HAUS7: variants seen among roughly 807,000 people sequenced by gnomAD.
HAUS7 encodes HAUS augmin like complex subunit 7.
Under a neutral mutation model 28.4 loss-of-function variants are expected in HAUS7, and 3 were observed. That is an observed-to-expected ratio of 0.11 (90% confidence interval 0.05 to 0.27). The LOEUF is 0.27. Ranked by LOEUF, HAUS7 falls within the 10% of genes least tolerant of loss-of-function variation. The probability of loss-of-function intolerance (pLI) is 1.00; values close to 1 mark genes in which losing one functional copy is unlikely to be tolerated. For synonymous variants in HAUS7, 165 were observed against 132.1 expected (o/e 1.25, Z -1.71); for missense variants, 284 against 297.3 (o/e 0.96, Z 0.33).
chrX:153,472,456 A>ACCACCCACCACCCACCACCCACCACCTG (rs2089534940), upstream of HAUS7, among the ~76,000 whole-genome samples: 1 of 11,709 alleles, frequency 8.5e-5, no homozygotes, highest in African/African-American at 3.3e-4. Context: ...CCTGCCACCC[A>ACCACCCACCACCCACCACCCACCACCTG]CCACCCGCCC....
At chrX:153,452,813 T>C (rs912255771) in intron 9 of HAUS7, among the ~76,000 whole-genome samples, 5 of 111,226 alleles carry the variant, frequency 4.5e-5, no homozygotes, top group Non-Finnish European at 9.4e-5. Flanking sequence ...CAAAACCCCA[T>C]CTGTACTTAA....
intron 3 of HAUS7, chrX:153,462,953 G>A (rs1556983675): frequency 2.3e-6 from 1 of 432,789 alleles, no homozygotes; most frequent in Non-Finnish European, 4.2e-6. Flanking sequence ...TGCCTGAGGA[G>A]TGGACAGGGG....
intron 1 of HAUS7, among the ~76,000 whole-genome samples, chrX:153,478,697 G>T (rs1279657497): frequency 2.7e-5 from 3 of 112,996 alleles, no homozygotes; most frequent in Non-Finnish European, 5.6e-5. Flanking sequence ...TGCCCAAGCA[G>T]CACTGGGGTC....
chrX:153,467,820 G>T (rs1296553182), intron 2 of HAUS7, among the ~76,000 whole-genome samples: 1 of 112,889 alleles, frequency 8.9e-6, no homozygotes, highest in African/African-American at 3.2e-5. Flanking sequence ...GCACCCACAG[G>T]TTGAGGGCTC....
chrX:153,485,770 G>T, intron 1 of HAUS7: 3 of 838,807 alleles, frequency 3.6e-6, no homozygotes, highest in Non-Finnish European at 2.9e-6. Flanking sequence ...CGCCCCACAG[G>T]AAGCTGGAGA....
intron 1 of HAUS7, among the ~76,000 whole-genome samples, chrX:153,484,228 G>C: frequency 8.9e-6 from 1 of 112,127 alleles, no homozygotes; most frequent in Admixed American, 9.4e-5. Flanking sequence ...TCATGGGAGC[G>C]GGGCCCAGCC....
chrX:153,481,768 C>T (rs1409369688), intron 1 of HAUS7: 8 of 730,215 alleles, frequency 1.1e-5, no homozygotes, highest in African/African-American at 4.7e-5. Flanking sequence ...AGAGTGGCAG[C>T]GGGCAGGGGG....
chrX:153,468,112 G>C (rs1160485216), intron 2 of HAUS7, among the ~76,000 whole-genome samples: 4 of 112,340 alleles, frequency 3.6e-5, no homozygotes, highest in African/African-American at 1.3e-4. Flanking sequence ...AGACGCCTCT[G>C]GAACAGCAAG....
intron 1 of HAUS7, among the ~76,000 whole-genome samples, chrX:153,479,851 C>T (rs1022395925): frequency 8.1e-5 from 9 of 111,344 alleles, no homozygotes; most frequent in African/African-American, 2.9e-4. Context: ...CCCCTGCAGA[C>T]AGAGCGGTGC....
upstream of HAUS7, chrX:153,470,862 C>CGGGGCGGACACCGGGAA (rs1556985155): frequency 2.8e-6 from 1 of 362,100 alleles, no homozygotes; most frequent in African/African-American, 2.6e-5. Flanking sequence ...GGGAAAGGGG[C>CGGGGCGGACACCGGGAA]GGGGCGGACA....
intron 1 of HAUS7, among the ~76,000 whole-genome samples, chrX:153,488,801 G>A (rs1556989095): frequency 1.8e-5 from 2 of 112,918 alleles, no homozygotes; most frequent in African/African-American, 6.4e-5. Flanking sequence ...GTGAGTCCCC[G>A]ACATCTCCTG....
intron 7 of HAUS7, 147 bp from the exon 8 acceptor site, chrX:153,455,913 G>A: frequency 8.9e-6 from 4 of 450,153 alleles, no homozygotes; most frequent in Non-Finnish European, 1.2e-5. Flanking sequence ...AGCGACTCAG[G>A]CCAGAGCAAG....
Position 153,451,867 on chromosome X carries a change from C to T in HAUS7, c.1045+2527G>A, listed in dbSNP as rs147447959. 3.9e-3 allele frequency among the ~76,000 whole-genome samples: 437 copies of T among 111,905 alleles called. 2 individuals are homozygous for T. Among genetic ancestry groups the T allele is most frequent in the Non-Finnish European group, 6.8e-3 (363 of 53,212 alleles). On this transcript the variant is annotated intron_variant, in intron 9 of 9. Coordinates refer to ENST00000370211, the MANE Select transcript of HAUS7 (RefSeq NM_001385482.1). The stretch of plus-strand genomic sequence containing the variant: ...CCCTGATCTCTCACCTCTGGCTGAC[C>T]TTGAGGCTCTGAGCAAGCAAGATGT...
At chrX:153,456,390 G>A (rs961780055) in intron 6 of HAUS7, 26 bp from the exon 7 acceptor site, 1 of 1,177,745 alleles carries the variant, frequency 8.5e-7, no homozygotes, top group Admixed American at 2.2e-5. Flanking sequence ...GGGAACACTT[G>A]CAACTCACCG....
At position 153,482,507 on chromosome X, in the gene HAUS7, G is replaced by T. The variant is rs894888227; in HGVS notation, c.-588-11362C>A. The T allele has an allele frequency of 4.1e-5, 31 of 751,985 alleles. No homozygotes were observed. In the African/African-American group the frequency reaches 6.2e-4, roughly 15 times the overall value. 62.0% of individuals were successfully genotyped at this position (751,985 alleles called of 1,213,427 possible). Reference sequence around the variant, plus strand: ...GGGACCGAGGGGGCAGGCCTGGGCAGGTGCCCCACCCCCAGGACAGGGGCT... The same window carrying T: ...GGGACCGAGGGGGCAGGCCTGGGCATGTGCCCCACCCCCAGGACAGGGGCT... On this transcript the variant is annotated intron_variant, in intron 1 of 5. Transcript: ENST00000370210.
In HAUS7 at chrX:153,485,321, C is replaced by T. The variant is rs138554110; in HGVS notation, c.-589+10053G>A. The stretch of plus-strand genomic sequence containing the variant: ...GGGACAGAGGAGAGGGCTTCGAGGC[C>T]GAGGACCGGCAGGGGCAGAGAGCTC... On this transcript the variant is annotated intron_variant, in intron 1 of 5. Transcript: ENST00000370210. 8.0e-4 allele frequency among the ~76,000 whole-genome samples: 89 copies of T among 111,753 alleles called. No homozygotes were observed. In the East Asian group the frequency reaches 0.019, roughly 24 times the overall value.
At position 153,485,992 on chromosome X, in the gene HAUS7, G is replaced by A. The variant is rs781884493; in HGVS notation, c.-589+9382C>T. 7.2e-4 allele frequency: 708 copies of A among 978,625 alleles called. 1 individual carries two copies. The highest frequency in any genetic ancestry group is 1.2e-3 in the Admixed American group (39 of 32,842). 80.6% of individuals were successfully genotyped at this position (978,625 alleles called of 1,213,427 possible). A position where few individuals can be genotyped will look rare whatever the true frequency, so the allele number is the denominator to read the frequency against. On this transcript the variant is annotated intron_variant, in intron 1 of 5. Coordinates refer to the HAUS7 transcript ENST00000370210. ...TGTCCTTCCTGGGCCTGCGCGCCTC[G>A]CTGGCGGAGCTGCTCCTGGATCATA... is the stretch of plus-strand genomic sequence containing the variant.
At chrX:153,473,328 T>C (rs782192430), upstream of HAUS7, among the ~76,000 whole-genome samples, 1 of 112,227 alleles carries the variant, frequency 8.9e-6, no homozygotes, top group East Asian at 2.8e-4. Context: ...TGGCAGGGGC[T>C]GGAGTTAGAC....
intron 1 of HAUS7, among the ~76,000 whole-genome samples, chrX:153,492,253 C>A (rs1370290415): frequency 1.8e-5 from 2 of 113,325 alleles, no homozygotes; most frequent in African/African-American, 6.4e-5. Flanking sequence ...GTTCCTAGAG[C>A]ACTTCAGCTG....
Sources: allele counts gnomAD v4.1 joint callset (sites outside exome capture counted in the v4.1 genomes callset), GRCh38; gene constraint gnomAD v4.1.1; transcripts MANE v1.5; gene names NCBI Gene and HGNC (gene_info 2026-07-23, HGNC 2026-07-21).